The following LRRC8C variants were observed in gnomAD, a reference collection of about 807,000 sequenced individuals.
The protein encoded by LRRC8C is volume-regulated anion channel subunit LRRC8C.
A neutral mutation model predicts 55.3 loss-of-function variants in LRRC8C; 20 were observed. The observed-to-expected ratio is 0.36, with a 90% confidence interval of 0.25 to 0.53. LRRC8C has a LOEUF of 0.53. LRRC8C is among the 20% of genes least tolerant of loss of function. The probability of loss-of-function intolerance (pLI) is 0.92; values close to 1 mark genes in which losing one functional copy is unlikely to be tolerated. For synonymous variants in LRRC8C, 376 were observed against 360.7 expected (o/e 1.04, Z -0.48); for missense variants, 659 against 951.4 (o/e 0.69, Z 4.04).
At chr1:89,621,296 T>TAAAAAAAAAAA in the LRRC8C span, among the ~76,000 whole-genome samples, 2 of 123,832 alleles carry the variant, frequency 1.6e-5, no homozygotes. Context: ...CCGTCTCTAC[T>TAAAAAAAAAAA]AAAAAAAAAA....
At chr1:89,663,182 A>G (rs186518652) in intron 1 of LRRC8C, among the ~76,000 whole-genome samples, 104 of 152,306 alleles carry the variant, frequency 6.8e-4, no homozygotes, top group Non-Finnish European at 1.3e-3. Flanking sequence ...ATAGTATTCC[A>G]TGGTGTATAT....
the LRRC8C span, among the ~76,000 whole-genome samples, chr1:89,623,931 C>T: frequency 3.4e-4 from 52 of 152,280 alleles, no homozygotes; most frequent in African/African-American, 1.2e-3. Context: ...AAATACTAGC[C>T]TGCTACACTT....
At chr1:89,618,773 T>C in the LRRC8C span, among the ~76,000 whole-genome samples, 6 of 152,232 alleles carry the variant, frequency 3.9e-5, no homozygotes, top group Non-Finnish European at 7.3e-5. Context: ...CCAAGTAATA[T>C]AGATAAAGTG....
intron 2 of LRRC8C, among the ~76,000 whole-genome samples, chr1:89,699,241 A>G (rs1443102006): frequency 6.6e-6 from 1 of 152,178 alleles, no homozygotes; most frequent in East Asian, 1.9e-4. Flanking sequence ...GGGGAGGGAT[A>G]AGTAGGTATA....
chr1:89,702,321 T>A (rs1041622598), intron 2 of LRRC8C, among the ~76,000 whole-genome samples: 1 of 151,846 alleles, frequency 6.6e-6, no homozygotes, highest in Admixed American at 6.6e-5. Flanking sequence ...TAAGAAAGAC[T>A]ATTAACAAAA....
intron 1 of LRRC8C, among the ~76,000 whole-genome samples, chr1:89,637,180 G>T (rs1656313166): frequency 6.6e-6 from 1 of 151,980 alleles, no homozygotes; most frequent in Non-Finnish European, 1.5e-5. Flanking sequence ...TTGCTTCCAT[G>T]GTGATATAGT....
intron 2 of LRRC8C, among the ~76,000 whole-genome samples, chr1:89,687,557 T>C (rs1312400423): frequency 6.6e-6 from 1 of 152,118 alleles, no homozygotes; most frequent in East Asian, 1.9e-4. Flanking sequence ...ATAGTGTCAG[T>C]AATAACATTA....
chr1:89,644,577 A>G (rs1283682477), intron 1 of LRRC8C, among the ~76,000 whole-genome samples: 1 of 152,360 alleles, frequency 6.6e-6, no homozygotes, highest in East Asian at 1.9e-4. Flanking sequence ...TGAAACCAGT[A>G]CCCAGTCCAT....
chr1:89,646,582 TAAAGATTTTC>T (rs1401956369), intron 1 of LRRC8C, among the ~76,000 whole-genome samples: 1 of 152,128 alleles, frequency 6.6e-6, no homozygotes, highest in Non-Finnish European at 1.5e-5. Context: ...CTAGTAATGA[TAAAGATTTTC>T]AAAGATTTTC....
At chr1:89,628,016 G>T in the LRRC8C span, among the ~76,000 whole-genome samples, 1 of 152,182 alleles carries the variant, frequency 6.6e-6, no homozygotes, top group Non-Finnish European at 1.5e-5. Flanking sequence ...CTGGTCCCAA[G>T]GAATTTGGGT....
chr1:89,665,667 A>G (rs1657239929), intron 1 of LRRC8C, among the ~76,000 whole-genome samples: 1 of 152,224 alleles, frequency 6.6e-6, no homozygotes, highest in Admixed American at 6.5e-5. Flanking sequence ...AAAAAGTTGC[A>G]GTAACCTACA....
intron 2 of LRRC8C, among the ~76,000 whole-genome samples, chr1:89,704,747 G>A (rs188659961): frequency 1.3e-5 from 2 of 152,214 alleles, no homozygotes; most frequent in African/African-American, 4.8e-5. Flanking sequence ...CAGTTAGAAT[G>A]GCGATCATTA....
chr1:89,685,541 T>C (rs946473932), intron 1 of LRRC8C, among the ~76,000 whole-genome samples: 3 of 151,942 alleles, frequency 2.0e-5, no homozygotes, highest in African/African-American at 7.2e-5. Flanking sequence ...AGGAGGATGA[T>C]TGCCATAAGA....
chr1:89,657,271 C>A (rs896904952), intron 1 of LRRC8C, among the ~76,000 whole-genome samples: 1 of 152,092 alleles, frequency 6.6e-6, no homozygotes, highest in African/African-American at 2.4e-5. Flanking sequence ...TCATATCACC[C>A]TAAGTGTACA....
chr1:89,679,100 A>T (rs1382811916), intron 1 of LRRC8C, among the ~76,000 whole-genome samples: 1 of 152,212 alleles, frequency 6.6e-6, no homozygotes, highest in Non-Finnish European at 1.5e-5. Context: ...AGGACCTAAG[A>T]GTAAGCATTG....
the LRRC8C span, among the ~76,000 whole-genome samples, chr1:89,619,973 G>C: frequency 7.9e-5 from 12 of 152,158 alleles, no homozygotes; most frequent in Non-Finnish European, 1.8e-4. Flanking sequence ...AATGACTATA[G>C]AGTAGTTTAG....
At chr1:89,631,120 A>C (rs1428756846), upstream of LRRC8C, among the ~76,000 whole-genome samples, 4 of 152,216 alleles carry the variant, frequency 2.6e-5, no homozygotes, top group Admixed American at 1.3e-4. Flanking sequence ...GTAGTTAAGT[A>C]CAATAGTAGC....
At chr1:89,646,902 A>G (rs1421146976) in intron 1 of LRRC8C, among the ~76,000 whole-genome samples, 1 of 152,222 alleles carries the variant, frequency 6.6e-6, no homozygotes, top group East Asian at 1.9e-4. Flanking sequence ...CTAACTTGTA[A>G]TCGACATGAA....
At chr1:89,699,443 T>C (rs1044787077) in intron 2 of LRRC8C, among the ~76,000 whole-genome samples, 4 of 152,174 alleles carry the variant, frequency 2.6e-5, no homozygotes, top group African/African-American at 9.7e-5. Context: ...TTGAGCTTGG[T>C]GATAATGGGG....
Sources: gnomAD v4.1 joint callset for allele counts (sites outside exome capture counted in the v4.1 genomes callset) on GRCh38, gnomAD v4.1.1 for gene constraint, MANE v1.5 for transcripts, NCBI Gene and HGNC (gene_info 2026-07-23, HGNC 2026-07-21) for gene names.